PTPRJ: variants seen among roughly 807,000 people sequenced by gnomAD.
The protein encoded by PTPRJ is receptor-type tyrosine-protein phosphatase eta.
In PTPRJ, 129 loss-of-function variants were observed where a neutral mutation model predicts 141.3. That is an observed-to-expected ratio of 0.91 (90% CI 0.79 to 1.06). PTPRJ has a LOEUF of 1.06. Ranked by LOEUF, PTPRJ falls within the 50% of genes least tolerant of loss-of-function variation. The pLI, the probability that PTPRJ is intolerant of heterozygous loss-of-function variation, is 0.00. For missense variants in PTPRJ, 1,601 were observed against 1,679.7 expected, an observed-to-expected ratio of 0.95 and a Z score of 0.82; for synonymous variants, 610 against 640.5, an observed-to-expected ratio of 0.95 and a Z score of 0.72.
chr11:48,035,776 G>A (rs964035428), intron 1 of PTPRJ, among the ~76,000 whole-genome samples: 1 of 151,978 alleles, frequency 6.6e-6, no homozygotes, highest in African/African-American at 2.4e-5. Flanking sequence ...AGTGAAACTC[G>A]GGGTTAATTA....
intron 1 of PTPRJ, among the ~76,000 whole-genome samples, chr11:48,035,414 C>T (rs926570836): frequency 2.8e-4 from 43 of 152,140 alleles, no homozygotes; most frequent in African/African-American, 9.2e-4. Context: ...TTGTCAGCAT[C>T]GGGATGAGCT....
intron 15 of PTPRJ, among the ~76,000 whole-genome samples, chr11:48,148,000 A>C (rs1857392587): frequency 6.6e-6 from 1 of 151,842 alleles, no homozygotes; most frequent in Non-Finnish European, 1.5e-5. Flanking sequence ...CACCGCCACC[A>C]CACCCAGCTA....
At chr11:48,127,387 G>A (rs35153647) in intron 6 of PTPRJ, among the ~76,000 whole-genome samples, 12,770 of 152,222 alleles carry the variant, frequency 0.084, 626 homozygotes, top group African/African-American at 0.12. Context: ...GGCCTGCCTC[G>A]TCCTGACTTC....
At chr11:48,166,141 G>A (rs1857911688) in intron 24 of PTPRJ, among the ~76,000 whole-genome samples, 1 of 151,940 alleles carries the variant, frequency 6.6e-6, no homozygotes, top group Admixed American at 6.6e-5. Context: ...GGGATTACAG[G>A]TGTGAGCCAC....
intron 1 of PTPRJ, among the ~76,000 whole-genome samples, chr11:48,070,236 C>T (rs532218601): frequency 2.6e-5 from 4 of 152,116 alleles, no homozygotes; most frequent in Non-Finnish European, 5.9e-5. Context: ...CGCGGTGGCT[C>T]ATGCCTGTAA....
At chr11:48,042,403 T>C (rs1854291860) in intron 1 of PTPRJ, among the ~76,000 whole-genome samples, 3 of 152,204 alleles carry the variant, frequency 2.0e-5, no homozygotes, top group Admixed American at 6.5e-5. Flanking sequence ...ATGGGCTTTT[T>C]CATTTTGGGG....
intron 1 of PTPRJ, among the ~76,000 whole-genome samples, chr11:48,098,113 T>C (rs1384259421): frequency 1.3e-5 from 2 of 152,242 alleles, no homozygotes; most frequent in Non-Finnish European, 2.9e-5. Context: ...ACAGTTCCAC[T>C]GCTTGCCCTT....
At chr11:48,033,322 A>G (rs1474990835) in intron 1 of PTPRJ, among the ~76,000 whole-genome samples, 1 of 152,038 alleles carries the variant, frequency 6.6e-6, no homozygotes, top group Non-Finnish European at 1.5e-5. Context: ...AGCTTGAGAT[A>G]CCTGCTTGGA....
At chr11:47,983,332 A>T (rs1458727262) in intron 1 of PTPRJ, among the ~76,000 whole-genome samples, 1 of 152,262 alleles carries the variant, frequency 6.6e-6, no homozygotes, top group African/African-American at 2.4e-5. Flanking sequence ...GGAAACAAGT[A>T]TGTGACTACC....
chr11:48,147,135 C>T lies in PTPRJ; in HGVS notation c.2999+172C>T, dbSNP rs370894330. 5.3e-5 allele frequency among the ~76,000 whole-genome samples: 8 copies of T among 152,144 alleles called. No homozygotes were observed. In the East Asian group the frequency reaches 5.8e-4, roughly 11 times the overall value. The stretch of plus-strand genomic sequence containing the variant: ...TATTTCCTCTGCGCCCCCAGCTGGG[C>T]GATGTTAATGTGCTCCCAGCTGTCA... On this transcript the variant is annotated intron_variant, in intron 15 of 24. Transcript: ENST00000418331.
rs528485195 is a variant in PTPRJ at position 48,087,218 on chromosome 11, A to C, written c.97-22840A>C. ...CAGTGGTTCCCAAACACTGGTGTGC[A>C]GATGGAACACAGCCCGTGAAGTTTT... On this transcript the variant is annotated intron_variant, in intron 1 of 24. Transcript: ENST00000418331. Among the ~76,000 whole-genome samples the C allele has an allele frequency of 1.3e-3, 203 of 152,384 alleles. 1 individual carries two copies. The highest frequency in any genetic ancestry group is 4.1e-4 in the Non-Finnish European group (28 of 68,032).
At chr11:48,070,820 T>A (rs1855227235) in intron 1 of PTPRJ, among the ~76,000 whole-genome samples, 1 of 152,246 alleles carries the variant, frequency 6.6e-6, no homozygotes, top group Non-Finnish European at 1.5e-5. Flanking sequence ...TTAAATGGGA[T>A]TATTGAAGTA....
At chr11:48,021,925 G>C (rs887930498) in intron 1 of PTPRJ, among the ~76,000 whole-genome samples, 2 of 152,148 alleles carry the variant, frequency 1.3e-5, no homozygotes, top group East Asian at 3.9e-4. Flanking sequence ...GATTCCTTCT[G>C]GCAAACTCTT....
At chr11:48,066,067 G>A (rs1164072247) in intron 1 of PTPRJ, among the ~76,000 whole-genome samples, 1 of 152,146 alleles carries the variant, frequency 6.6e-6, no homozygotes, top group Non-Finnish European at 1.5e-5. Flanking sequence ...GATAGTTTGA[G>A]TCCAGAAATT....
At chr11:48,129,040 A>G (rs1856907276) in intron 7 of PTPRJ, among the ~76,000 whole-genome samples, 1 of 152,218 alleles carries the variant, frequency 6.6e-6, no homozygotes, top group African/African-American at 2.4e-5. Flanking sequence ...TAAACAAGAC[A>G]GGGGTTTATT....
intron 1 of PTPRJ, among the ~76,000 whole-genome samples, chr11:48,019,968 AG>A (rs1450187268): frequency 1.3e-5 from 2 of 152,232 alleles, no homozygotes; most frequent in Non-Finnish European, 2.9e-5. Flanking sequence ...TGAGATAAGA[AG>A]TAGAATAAAA....
chr11:48,157,041 G>A (rs993524387), intron 21 of PTPRJ, among the ~76,000 whole-genome samples: 2 of 151,912 alleles, frequency 1.3e-5, no homozygotes, highest in Non-Finnish European at 2.9e-5. Flanking sequence ...CCAGGCTGGA[G>A]TGCCGTGGTG....
intron 10 of PTPRJ, among the ~76,000 whole-genome samples, chr11:48,138,598 G>A (rs1434219084): frequency 6.6e-6 from 1 of 152,118 alleles, no homozygotes; most frequent in African/African-American, 2.4e-5. Context: ...AAATCTAATG[G>A]CCCTCAGATA....
At chr11:48,164,862 G>A (rs1239303164) in intron 24 of PTPRJ, among the ~76,000 whole-genome samples, 1 of 149,572 alleles carries the variant, frequency 6.7e-6, no homozygotes, top group Non-Finnish European at 1.5e-5. Context: ...CACTTTGCCT[G>A]GCCCTTCCCC....
Sources: gnomAD v4.1 joint callset for allele counts (sites outside exome capture counted in the v4.1 genomes callset) on GRCh38, gnomAD v4.1.1 for gene constraint, MANE v1.5 for transcripts, NCBI Gene and HGNC (gene_info 2026-07-23, HGNC 2026-07-21) for gene names.